ROBO2: variants seen among roughly 807,000 people sequenced by gnomAD.
ROBO2 encodes the protein roundabout guidance receptor 2, also known as roundabout homolog 2.
In ROBO2, 53 loss-of-function variants were observed where a neutral mutation model predicts 160.8. That is an observed-to-expected ratio of 0.33 (90% CI 0.26 to 0.41). The LOEUF (loss-of-function observed/expected upper bound fraction) is 0.41, where lower values mean the gene tolerates loss of function less well. ROBO2 is among the 10% of genes least tolerant of loss of function. The pLI is 1.00. For synonymous variants in ROBO2, 664 were observed against 611.7 expected, an observed-to-expected ratio of 1.09 and a Z score of -1.26; for missense variants, 1,577 against 1,722.4, an observed-to-expected ratio of 0.92 and a Z score of 1.49.
At chr3:77,251,393 G>C (rs2090327793) in intron 2 of ROBO2, among the ~76,000 whole-genome samples, 1 of 152,148 alleles carries the variant, frequency 6.6e-6, no homozygotes, top group African/African-American at 2.4e-5. Context: ...AGGGAGCAGA[G>C]TTCTAGGGCA....
intron 1 of ROBO2, among the ~76,000 whole-genome samples, chr3:75,910,420 C>A (rs980724480): frequency 1.3e-5 from 2 of 152,224 alleles, no homozygotes; most frequent in African/African-American, 4.8e-5. Context: ...TTTTGAACAT[C>A]CTTTCTTAAA....
chr3:76,468,441 A>C (rs1392972705), intron 2 of ROBO2, among the ~76,000 whole-genome samples: 1 of 152,096 alleles, frequency 6.6e-6, no homozygotes, highest in African/African-American at 2.4e-5. Flanking sequence ...AAGCAATGAA[A>C]GGATACAATA....
chr3:77,250,704 C>A (rs1312759963), intron 2 of ROBO2, among the ~76,000 whole-genome samples: 1 of 152,080 alleles, frequency 6.6e-6, no homozygotes, highest in Non-Finnish European at 1.5e-5. Flanking sequence ...AGAGGAGATG[C>A]ATCTGGTGTT....
intron 2 of ROBO2, among the ~76,000 whole-genome samples, chr3:77,270,544 T>C (rs933265037): frequency 2.2e-5 from 3 of 139,166 alleles, no homozygotes; most frequent in Non-Finnish European, 4.6e-5. Flanking sequence ...TTTTAACTAA[T>C]AGGACAAAAT....
At chr3:77,202,623 C>G (rs896934501) in intron 2 of ROBO2, among the ~76,000 whole-genome samples, 6 of 151,970 alleles carry the variant, frequency 3.9e-5, no homozygotes, top group African/African-American at 1.4e-4. Flanking sequence ...TCTAAGACAG[C>G]CCTCAACTTA....
chr3:77,007,529 C>T (rs1304057912), intron 2 of ROBO2, among the ~76,000 whole-genome samples: 1 of 152,056 alleles, frequency 6.6e-6, no homozygotes, highest in African/African-American at 2.4e-5. Context: ...CTTATTTACA[C>T]AGTTTACTTT....
chr3:77,030,835 C>A (rs1465209896), intron 2 of ROBO2, among the ~76,000 whole-genome samples: 1 of 152,106 alleles, frequency 6.6e-6, no homozygotes, highest in Non-Finnish European at 1.5e-5. Context: ...TCTGCAAAAC[C>A]CCTATTTTGA....
At chr3:77,634,611 T>C in intron 23 of ROBO2, 1 of 470,422 alleles carries the variant, frequency 2.1e-6, no homozygotes, top group East Asian at 4.0e-5. Context: ...AGTTGTGGAT[T>C]GGTGGATCTG....
chr3:76,420,730 A>G (rs1172941469), intron 2 of ROBO2, among the ~76,000 whole-genome samples: 1 of 152,194 alleles, frequency 6.6e-6, no homozygotes. Flanking sequence ...AAGAGATTCC[A>G]ACTATTTTTA....
chr3:76,320,644 G>A (rs1331730671), intron 2 of ROBO2, among the ~76,000 whole-genome samples: 5 of 152,224 alleles, frequency 3.3e-5, no homozygotes, highest in Non-Finnish European at 7.3e-5. Context: ...TGTCACAGAA[G>A]TACCTTCTAC....
At chr3:77,537,088 T>C (rs996188695) in intron 6 of ROBO2, among the ~76,000 whole-genome samples, 1 of 88,588 alleles carries the variant, frequency 1.1e-5, no homozygotes, top group Non-Finnish European at 2.2e-5. Context: ...ATAAAACATA[T>C]ACATATTTTG....
At chr3:77,497,944 A>G (rs1000825551) in intron 5 of ROBO2, among the ~76,000 whole-genome samples, 2 of 152,152 alleles carry the variant, frequency 1.3e-5, no homozygotes, top group Admixed American at 6.5e-5. Context: ...AAATTGAAAT[A>G]TGACAACACT....
chr3:77,283,656 G>C (rs1314001657), intron 2 of ROBO2, among the ~76,000 whole-genome samples: 2 of 152,104 alleles, frequency 1.3e-5, no homozygotes, highest in Non-Finnish European at 2.9e-5. Flanking sequence ...TCCTAGATCA[G>C]TGAAATCTAG....
chr3:75,910,450 T>G (rs1946526600), intron 1 of ROBO2, among the ~76,000 whole-genome samples: 1 of 152,212 alleles, frequency 6.6e-6, no homozygotes, highest in African/African-American at 2.4e-5. Context: ...TTCATGTAGT[T>G]GCTCATTTTA....
chr3:76,162,173 T>C (rs968318596), intron 2 of ROBO2, among the ~76,000 whole-genome samples: 1 of 152,210 alleles, frequency 6.6e-6, no homozygotes, highest in African/African-American at 2.4e-5. Context: ...TCAGGCATTG[T>C]GCTGGACATG....
intron 2 of ROBO2, among the ~76,000 whole-genome samples, chr3:77,006,409 A>G (rs1053874085): frequency 6.6e-6 from 1 of 151,790 alleles, no homozygotes; most frequent in East Asian, 1.9e-4. Flanking sequence ...TTTAGGGGAA[A>G]CTAAAGGAAA....
chr3:77,166,620 G>A (rs142182772), intron 2 of ROBO2, among the ~76,000 whole-genome samples: 5 of 152,116 alleles, frequency 3.3e-5, no homozygotes, highest in South Asian at 2.1e-4. Flanking sequence ...GTGCGGTGGC[G>A]CCATCTTGGC....
intron 2 of ROBO2, among the ~76,000 whole-genome samples, chr3:75,957,111 C>A (rs1465233355): frequency 1.3e-5 from 2 of 151,378 alleles, no homozygotes; most frequent in Non-Finnish European, 3.0e-5. Flanking sequence ...ACAAATAAAC[C>A]TAATAAATAT....
chr3:76,648,036 A>C lies in ROBO2; in HGVS notation c.110-449978A>C, dbSNP rs570378350. On this transcript the variant is annotated intron_variant, in intron 2 of 26. Transcript: ENST00000487694. ...TAAAACCCTATCTAATTATTTTTAA[A>C]TTCTCGTATTATTTTTTAATTCTTA... 2.0e-5 allele frequency among the ~76,000 whole-genome samples: 3 copies of C among 152,108 alleles called. No individual in the cohort carries two copies. The South Asian group carries it at 6.2e-4, about 32-fold the overall frequency.
Sources: allele counts gnomAD v4.1 joint callset (sites outside exome capture counted in the v4.1 genomes callset), GRCh38; gene constraint gnomAD v4.1.1; transcripts MANE v1.5; gene names NCBI Gene and HGNC (gene_info 2026-07-23, HGNC 2026-07-21).